Variants in CMC2 observed in about 807,000 individuals in gnomAD.
CMC2 encodes the protein C-X9-C motif containing 2, also known as COX assembly mitochondrial protein 2 homolog.
In CMC2, 5 loss-of-function variants were observed where a neutral mutation model predicts 7.5. The ratio of observed to expected loss-of-function variants is 0.66; its 90% CI spans 0.35 to 1.40. The LOEUF (loss-of-function observed/expected upper bound fraction) is 1.40, where lower values mean the gene tolerates loss of function less well. Ranked by LOEUF, CMC2 falls within the 40% of genes most tolerant of loss-of-function variation. The probability of loss-of-function intolerance (pLI) is 0.04; values close to 1 mark genes in which losing one functional copy is unlikely to be tolerated. For missense variants in CMC2, 115 were observed against 92.3 expected (o/e 1.25, Z -1.01); for synonymous variants, 37 against 31.4 (o/e 1.18, Z -0.60).
chr16:80,988,015 GA>G lies in CMC2; in HGVS notation c.82-6139del, dbSNP rs1479318550. ...ACACAGGAGAGCCTGTCTCTAGGAG[GA>G]AAAAAAAAAAAAATTGAATTAGCCA... is the stretch of plus-strand genomic sequence containing the variant. On this transcript the variant is annotated intron_variant, in intron 2 of 3. Transcript: ENST00000219400. 2.8e-3 allele frequency among the ~76,000 whole-genome samples: 399 copies of G among 140,628 alleles called. 2 individuals are homozygous for G. The highest frequency in any genetic ancestry group is 7.2e-3 in the African/African-American group (277 of 38,478). 92.3% of individuals were successfully genotyped at this position (140,628 alleles called of 152,430 possible).
chr16:81,001,936 C>T (rs914213326), intron 1 of CMC2, among the ~76,000 whole-genome samples: 3 of 152,024 alleles, frequency 2.0e-5, no homozygotes, highest in African/African-American at 7.2e-5. Flanking sequence ...AAAGAAAATG[C>T]AGCCAAGTTT....
intron 1 of CMC2, among the ~76,000 whole-genome samples, chr16:81,004,974 G>A (rs1969148408): frequency 6.6e-6 from 1 of 152,212 alleles, no homozygotes; most frequent in Non-Finnish European, 1.5e-5. Context: ...TCTTTAGAAA[G>A]ATTTTCCTAT....
At chr16:80,988,226 C>A (rs1178157227) in intron 2 of CMC2, among the ~76,000 whole-genome samples, 1 of 152,066 alleles carries the variant, frequency 6.6e-6, no homozygotes, top group African/African-American at 2.4e-5. Context: ...TATAGACCTG[C>A]AGAATTATGG....
intron 1 of CMC2, among the ~76,000 whole-genome samples, chr16:81,000,667 G>C (rs12932272): frequency 0.018 from 2,732 of 152,244 alleles, 53 homozygotes; most frequent in East Asian, 0.053. Flanking sequence ...ACATCAGTGA[G>C]AATGGCTATT....
intron 2 of CMC2, among the ~76,000 whole-genome samples, chr16:80,995,005 G>A (rs572472811): frequency 6.6e-6 from 1 of 152,062 alleles, no homozygotes; most frequent in Non-Finnish European, 1.5e-5. Flanking sequence ...AATGAGCCAG[G>A]TGTGGTGACA....
intron 3 of CMC2, among the ~76,000 whole-genome samples, chr16:80,977,672 G>GTT (rs1912579775): frequency 6.6e-6 from 1 of 152,156 alleles, no homozygotes; most frequent in African/African-American, 2.4e-5. Flanking sequence ...AAGGAGGTGG[G>GTT]CTAGATAATC....
chr16:80,979,222 CAAGCAG>C (rs1205532417), intron 3 of CMC2, among the ~76,000 whole-genome samples: 2 of 152,038 alleles, frequency 1.3e-5, no homozygotes, highest in African/African-American at 4.8e-5. Flanking sequence ...TAGTGATGGG[CAAGCAG>C]ACAGAAAAAC....
In CMC2 at chr16:80,974,640, T is replaced by C. The variant is rs572361351; in HGVS notation, c.*1453A>G. ...GCTCCTTCTTCATGAAGACTGAACA[T>C]GAAAGTCCTCTGTCTTCTATGACAT... is the stretch of plus-strand genomic sequence containing the variant. On this transcript the variant is annotated 3_prime_UTR_variant, in exon 4 of 4. Transcript: ENST00000219400. 2.0e-5 allele frequency: 3 copies of C among 152,230 alleles called. No homozygotes were observed. The highest frequency in any genetic ancestry group is 2.9e-5 in the Non-Finnish European group (2 of 68,048). The allele number at this position is 152,230 out of a possible 1,614,324, so 9.4% of individuals were successfully genotyped here. A position where few individuals can be genotyped will look rare whatever the true frequency, so the allele number is the denominator to read the frequency against.
chr16:80,976,605 C>G (rs932476652), intron 3 of CMC2, among the ~76,000 whole-genome samples: 2 of 152,206 alleles, frequency 1.3e-5, no homozygotes, highest in Non-Finnish European at 2.9e-5. Flanking sequence ...GGTAGCCTGT[C>G]TAACTGTTGG....
intron 2 of CMC2, chr16:80,991,940 T>G: frequency 2.2e-6 from 1 of 455,650 alleles, no homozygotes; most frequent in South Asian, 1.6e-5. Context: ...AAGTGTAATG[T>G]GTATCCTGGA....
At chr16:80,997,604 A>C in intron 1 of CMC2, 175 bp from the exon 2 acceptor site, 2 of 459,370 alleles carry the variant, frequency 4.4e-6, no homozygotes, top group South Asian at 6.9e-5. Context: ...TCAATGATTT[A>C]AGATATTCAG....
chr16:80,986,574 G>C (rs573524253), intron 2 of CMC2, among the ~76,000 whole-genome samples: 6 of 152,292 alleles, frequency 3.9e-5, no homozygotes, highest in Non-Finnish European at 5.9e-5. Flanking sequence ...CCAGATAGAA[G>C]TCCTTTACAG....
At chr16:80,978,394 C>A in intron 3 of CMC2, 1 of 1,267,414 alleles carries the variant, frequency 7.9e-7, no homozygotes, top group Non-Finnish European at 1.0e-6. Context: ...TAAGACATCT[C>A]CAAAGGAAGT....
rs1353789371 is a variant in CMC2, at chr16:80,967,300, T to C, written c.*8793A>G. On this transcript the variant is annotated 3_prime_UTR_variant, in exon 4 of 4. Transcript: ENST00000219400. ...GAACTATCCCTAGAGAATTTTCCTTTAATTGTATCTGCTTTGAAAAGATAT... is the reference window on the plus strand; with the variant it reads ...GAACTATCCCTAGAGAATTTTCCTTCAATTGTATCTGCTTTGAAAAGATAT... 2.0e-5 allele frequency: 3 copies of C among 152,280 alleles called. No individual in the cohort carries two copies. Among genetic ancestry groups the C allele is most frequent in the East Asian group, 3.8e-4 (2 of 5,200 alleles). The allele number at this position is 152,280 out of a possible 1,614,324, so 9.4% of individuals were successfully genotyped here.
chr16:80,979,047 C>T (rs529870092), intron 3 of CMC2, among the ~76,000 whole-genome samples: 112 of 151,758 alleles, frequency 7.4e-4, no homozygotes, highest in Non-Finnish European at 1.4e-3. Flanking sequence ...CGCCACTGCA[C>T]TCCAGCCTGG....
In CMC2 at chr16:80,970,768, G is replaced by GT. The variant is rs1197102008; in HGVS notation, c.*5324dup. The GT allele has an allele frequency of 1.3e-5, 2 of 152,152 alleles. No homozygotes were observed. Among genetic ancestry groups the GT allele is most frequent in the African/African-American group, 4.8e-5 (2 of 41,444 alleles). 9.4% of individuals were successfully genotyped at this position (152,152 alleles called of 1,614,324 possible). A position where few individuals can be genotyped will look rare whatever the true frequency, so the allele number is the denominator to read the frequency against. ...ATACAGAAGTCAATTACACTCCAAT[G>GT]TATCAGTAATAGGAAATTAGAATAA... is the stretch of plus-strand genomic sequence containing the variant. On this transcript the variant is annotated 3_prime_UTR_variant, in exon 4 of 4. Coordinates refer to ENST00000219400, the MANE Select transcript of CMC2 (RefSeq NM_020188.5).
At chr16:80,980,097 T>C (rs1967006014) in intron 3 of CMC2, among the ~76,000 whole-genome samples, 2 of 151,796 alleles carry the variant, frequency 1.3e-5, no homozygotes, top group African/African-American at 2.4e-5. Context: ...TTTTAAGAGA[T>C]TTCTTTGAGA....
intron 1 of CMC2, among the ~76,000 whole-genome samples, chr16:80,999,220 C>G (rs1435685568): frequency 6.6e-6 from 1 of 152,154 alleles, no homozygotes; most frequent in Non-Finnish European, 1.5e-5. Flanking sequence ...TGAGTAGTTT[C>G]AGGATACAAG....
rs143802261 is a variant in CMC2 at position 81,006,727 on chromosome 16, G to A, written c.-36+7C>T. On this transcript the variant is annotated splice_region_variant and intron_variant, in intron 1 of 3. Coordinates refer to ENST00000219400, the MANE Select transcript of CMC2 (RefSeq NM_020188.5). ...CGTTCGGAACGGCCTGGACTCCCGA[G>A]ACTCACCCGACTCGTGGCCACACCG... The A allele has an allele frequency of 2.0e-4, 202 of 985,564 alleles. 1 individual carries two copies. The African/African-American group carries it at 3.3e-3, about 16-fold the overall frequency. 61.1% of individuals were successfully genotyped at this position (985,564 alleles called of 1,614,324 possible).
Sources: gnomAD v4.1 joint callset for allele counts (sites outside exome capture counted in the v4.1 genomes callset) on GRCh38, gnomAD v4.1.1 for gene constraint, MANE v1.5 for transcripts, NCBI Gene and HGNC (gene_info 2026-07-23, HGNC 2026-07-21) for gene names.